MID1: variants seen among roughly 807,000 people sequenced by gnomAD.
MID1 encodes the protein midline 1.
MID1 carries 7 observed loss-of-function variants against 40.4 expected under a neutral mutation model. The ratio of observed to expected loss-of-function variants is 0.17; its 90% CI spans 0.10 to 0.33. MID1 has a LOEUF of 0.33. Among genes scored for constraint, MID1 ranks in the 10% least tolerant of loss-of-function variants. The pLI is 1.00. For synonymous variants in MID1, 229 were observed against 221.2 expected, an observed-to-expected ratio of 1.04 and a Z score of -0.31; for missense variants, 367 against 558.5, an observed-to-expected ratio of 0.66 and a Z score of 3.46.
chrX:10,766,908 CAAAA>C (rs61259004), intron 1 of MID1, among the ~76,000 whole-genome samples: 3 of 57,335 alleles, frequency 5.2e-5, no homozygotes, highest in Non-Finnish European at 7.6e-5. Flanking sequence ...GACCCTGCCT[CAAAA>C]AAAAAAAAAA....
intron 1 of MID1, among the ~76,000 whole-genome samples, chrX:10,667,255 C>T (rs1447286167): frequency 9.0e-6 from 1 of 111,469 alleles, no homozygotes; most frequent in Non-Finnish European, 1.9e-5. Flanking sequence ...TTTGGAAGAG[C>T]TGGAATTTGT....
chrX:10,507,827 C>A (rs1023359766), intron 3 of MID1, among the ~76,000 whole-genome samples: 1 of 112,686 alleles, frequency 8.9e-6, no homozygotes, highest in African/African-American at 3.2e-5. Context: ...CCACACACAT[C>A]TTCATTCAGT....
intron 1 of MID1, among the ~76,000 whole-genome samples, chrX:10,731,966 C>T: frequency 3.8e-5 from 1 of 26,649 alleles, no homozygotes; most frequent in South Asian, 3.1e-3. Flanking sequence ...GAATCTATCA[C>T]AAAAAAAAAA....
At chrX:10,580,267 A>AGATACT (rs774862576) in intron 1 of MID1, among the ~76,000 whole-genome samples, 8 of 107,540 alleles carry the variant, frequency 7.4e-5, no homozygotes, top group Non-Finnish European at 1.5e-4. Flanking sequence ...TTGTAAAATA[A>AGATACT]GATACTGGTT....
intron 1 of MID1, among the ~76,000 whole-genome samples, chrX:10,682,342 C>CT (rs59216946): frequency 1.6e-4 from 17 of 106,842 alleles, no homozygotes; most frequent in East Asian, 5.8e-4. Flanking sequence ...TTCTTTTTAT[C>CT]TTTTTTTTTT....
At position 10,717,140 on chromosome X, in the gene MID1, C is replaced by T. The variant is rs752220106; in HGVS notation, c.-186-96721G>A. On this transcript the variant is annotated intron_variant, in intron 1 of 10. Coordinates refer to the MID1 transcript ENST00000380785. ...GCTAGGAAGAAACTGCATCAACTAA[C>T]GAGCAAAATAACCAGCTAATATCAT... 9.9e-5 allele frequency among the ~76,000 whole-genome samples: 11 copies of T among 111,497 alleles called. No homozygotes were observed. The East Asian group carries it at 1.7e-3, about 17-fold the overall frequency.
Position 10,566,904 on chromosome X carries a change from C to T in MID1, c.644G>A (p.Arg215His), listed in dbSNP as rs1934572963. 3.3e-6 allele frequency: 4 copies of T among 1,209,510 alleles called. No individual in the cohort carries two copies. Among genetic ancestry groups the T allele is most frequent in the Admixed American group, 2.2e-5 (1 of 45,758 alleles). ...RDHQVAALSE[R>H]YDKLKQNLES... ...CGGACTAACCTTCAATTTGTCATAG[C>T]GCTCACTCAAAGCTGCCACCTGATG... Residue 215 changes from arginine to histidine, a missense_variant, in exon 2 of 10, where the codon CGC becomes CAC. Coordinates refer to ENST00000317552, the MANE Select transcript of MID1 (RefSeq NM_000381.4).
chrX:10,822,640 GA>G (rs916246411), intron 1 of MID1, among the ~76,000 whole-genome samples: 1 of 110,848 alleles, frequency 9.0e-6, no homozygotes, highest in Non-Finnish European at 1.9e-5. Context: ...AAATTTACAA[GA>G]AAAAAACAAA....
chrX:10,588,748 T>TA (rs1935198585), intron 1 of MID1, among the ~76,000 whole-genome samples: 1 of 110,208 alleles, frequency 9.1e-6, no homozygotes, highest in Admixed American at 9.7e-5. Context: ...TTAACTACTG[T>TA]GGGGGGAAGG....
chrX:10,519,032 G>A (rs1214780923), intron 3 of MID1, among the ~76,000 whole-genome samples: 2 of 111,892 alleles, frequency 1.8e-5, no homozygotes, highest in East Asian at 2.8e-4. Context: ...GATGAATAGC[G>A]TCTTGTAAAT....
chrX:10,532,584 T>A (rs1008598148), intron 2 of MID1, among the ~76,000 whole-genome samples: 1 of 111,426 alleles, frequency 9.0e-6, no homozygotes, highest in African/African-American at 3.3e-5. Context: ...TACTTGCCAG[T>A]TAAGAATTAC....
intron 1 of MID1, among the ~76,000 whole-genome samples, chrX:10,691,682 C>T (rs1024922822): frequency 9.0e-6 from 1 of 111,478 alleles, no homozygotes; most frequent in African/African-American, 3.3e-5. Flanking sequence ...AATCAGTGCA[C>T]CCTGAAAAAG....
At chrX:10,720,995 C>T (rs1308337580) in intron 1 of MID1, among the ~76,000 whole-genome samples, 3 of 98,500 alleles carry the variant, frequency 3.0e-5, no homozygotes, top group Non-Finnish European at 6.0e-5. Context: ...GGGAATTGAA[C>T]AATGAGAACA....
intron 1 of MID1, among the ~76,000 whole-genome samples, chrX:10,634,051 A>G (rs1271730629): frequency 9.0e-6 from 1 of 111,525 alleles, no homozygotes; most frequent in Non-Finnish European, 1.9e-5. Flanking sequence ...CTTAAGTCAG[A>G]TGACCTCACA....
intron 1 of MID1, among the ~76,000 whole-genome samples, chrX:10,757,858 T>A (rs2147118173): frequency 8.9e-6 from 1 of 112,197 alleles, no homozygotes; most frequent in South Asian, 3.7e-4. Context: ...AAAAAATTAA[T>A]AATTTAAATA....
At chrX:10,832,870 T>C (rs2044261519) in intron 1 of MID1, among the ~76,000 whole-genome samples, 1 of 112,230 alleles carries the variant, frequency 8.9e-6, no homozygotes, top group Non-Finnish European at 1.9e-5. Context: ...TGTACACATA[T>C]AGAATATAGC....
chrX:10,817,516 CTT>C (rs1181444228), intron 1 of MID1, among the ~76,000 whole-genome samples: 2 of 35,391 alleles, frequency 5.7e-5, no homozygotes, highest in Admixed American at 6.6e-4. Context: ...CTTTTTTTCT[CTT>C]TCTTTCTTTC....
chrX:10,758,490 T>G (rs2043650698), intron 1 of MID1, among the ~76,000 whole-genome samples: 1 of 80,643 alleles, frequency 1.2e-5, no homozygotes, highest in Non-Finnish European at 2.4e-5. Flanking sequence ...TTCCTTTTTT[T>G]TTTTTTTTTT....
Position 10,689,834 on chromosome X carries a change from G to A in MID1, c.-186-69415C>T, listed in dbSNP as rs376756223. ...CTGTGCTTTCATGTCAATTCTTTTG[G>A]CCTAACTTTAGGATCATTTTGTCAA... On this transcript the variant is annotated intron_variant, in intron 1 of 10. Coordinates refer to the MID1 transcript ENST00000380785. Among the ~76,000 whole-genome samples, 23 of 110,191 alleles carry A rather than the reference G, an allele frequency of 2.1e-4. No individual in the cohort carries two copies. The East Asian group carries it at 5.4e-3, about 26-fold the overall frequency.
Sources: allele counts gnomAD v4.1 joint callset (sites outside exome capture counted in the v4.1 genomes callset), GRCh38; gene constraint gnomAD v4.1.1; transcripts MANE v1.5; gene names NCBI Gene and HGNC (gene_info 2026-07-23, HGNC 2026-07-21).